The following KIRREL1 variants were observed in gnomAD, a reference collection of about 807,000 sequenced individuals.
The protein encoded by KIRREL1 is kirre like nephrin family adhesion molecule 1.
KIRREL1 carries 25 observed loss-of-function variants against 83.3 expected under a neutral mutation model. That is an observed-to-expected ratio of 0.30 (90% CI 0.22 to 0.42). The LOEUF (loss-of-function observed/expected upper bound fraction) is 0.42, where lower values mean the gene tolerates loss of function less well. Ranked by LOEUF, KIRREL1 falls within the 10% of genes least tolerant of loss-of-function variation. The probability of loss-of-function intolerance (pLI) is 1.00; values close to 1 mark genes in which losing one functional copy is unlikely to be tolerated. For missense variants in KIRREL1, 812 were observed against 1,032.3 expected (o/e 0.79, Z 2.92); for synonymous variants, 388 against 410.4 (o/e 0.95, Z 0.66).
chr1:158,063,924 G>A (rs1661294284), intron 1 of KIRREL1, among the ~76,000 whole-genome samples: 2 of 152,212 alleles, frequency 1.3e-5, no homozygotes, highest in Non-Finnish European at 2.9e-5. Flanking sequence ...ATGATGGCAG[G>A]ACTAGGTCTG....
chr1:158,052,955 T>C (rs1332737339), intron 1 of KIRREL1, among the ~76,000 whole-genome samples: 1 of 152,032 alleles, frequency 6.6e-6, no homozygotes, highest in Non-Finnish European at 1.5e-5. Context: ...AGGTGCCAGC[T>C]CCTTTAAACA....
At chr1:158,022,368 TA>T (rs1359050948) in intron 1 of KIRREL1, among the ~76,000 whole-genome samples, 1 of 152,198 alleles carries the variant, frequency 6.6e-6, no homozygotes. Context: ...GAAAGGACCT[TA>T]GAGGTAATCT....
rs559826603 is a variant in KIRREL1 at position 158,050,657 on chromosome 1, A to T, written c.53-25456A>T. Reference sequence around the variant, plus strand: ...CCTTAACCATGAATGGGAACTGGGGAGGAAAATGGGGAGTGGAGATGGCAC... The same window carrying T: ...CCTTAACCATGAATGGGAACTGGGGTGGAAAATGGGGAGTGGAGATGGCAC... On this transcript the variant is annotated intron_variant, in intron 1 of 14. Transcript: ENST00000359209. 6.6e-5 allele frequency among the ~76,000 whole-genome samples: 10 copies of T among 152,086 alleles called. No individual in the cohort carries two copies. The East Asian group carries it at 2.0e-3, about 30-fold the overall frequency.
At chr1:158,052,510 T>C (rs763766446) in intron 1 of KIRREL1, among the ~76,000 whole-genome samples, 2 of 152,020 alleles carry the variant, frequency 1.3e-5, no homozygotes, top group Non-Finnish European at 2.9e-5. Context: ...CAGGGCGCGG[T>C]GGCTCACGCC....
At chr1:158,037,216 C>G (rs552736026) in intron 1 of KIRREL1, among the ~76,000 whole-genome samples, 2 of 152,146 alleles carry the variant, frequency 1.3e-5, no homozygotes, top group Admixed American at 6.5e-5. Context: ...GTCAATCGGC[C>G]GGGCGCCGTG....
intron 1 of KIRREL1, among the ~76,000 whole-genome samples, chr1:158,023,984 G>A (rs1440933063): frequency 6.6e-6 from 1 of 152,142 alleles, no homozygotes; most frequent in Non-Finnish European, 1.5e-5. Context: ...GTCTCGCTCT[G>A]TCACCCAGGC....
At chr1:158,009,611 A>G (rs6681075) in intron 1 of KIRREL1, among the ~76,000 whole-genome samples, 9,564 of 152,260 alleles carry the variant, frequency 0.063, 642 homozygotes, top group African/African-American at 0.17. Flanking sequence ...AAGGCACACA[A>G]TTTCTACCTT....
At chr1:158,020,992 A>T (rs1430487162) in intron 1 of KIRREL1, among the ~76,000 whole-genome samples, 1 of 152,152 alleles carries the variant, frequency 6.6e-6, no homozygotes, top group African/African-American at 2.4e-5. Context: ...AGTGGCCCAT[A>T]TCTTCTGTAA....
At chr1:158,045,171 G>A (rs1314688675) in intron 1 of KIRREL1, among the ~76,000 whole-genome samples, 1 of 151,786 alleles carries the variant, frequency 6.6e-6, no homozygotes, top group African/African-American at 2.4e-5. Flanking sequence ...GGGAACTGGT[G>A]ATAGAAGTGA....
intron 1 of KIRREL1, among the ~76,000 whole-genome samples, chr1:157,996,219 C>G (rs1447918578): frequency 6.6e-6 from 1 of 152,082 alleles, no homozygotes; most frequent in East Asian, 1.9e-4. Flanking sequence ...CATCAATCTT[C>G]ATTTTTCACT....
chr1:158,092,030 C>G (rs1188241204), intron 11 of KIRREL1, among the ~76,000 whole-genome samples: 1 of 152,168 alleles, frequency 6.6e-6, no homozygotes, highest in African/African-American at 2.4e-5. Flanking sequence ...GGGAATAACA[C>G]GCCCATCTCA....
chr1:158,089,297 C>A (rs1662117790), intron 8 of KIRREL1, among the ~76,000 whole-genome samples: 1 of 152,214 alleles, frequency 6.6e-6, no homozygotes, highest in African/African-American at 2.4e-5. Context: ...CATCCCTGCC[C>A]ACACCTGCAG....
At chr1:158,086,965 C>A (rs1299881718) in intron 5 of KIRREL1, among the ~76,000 whole-genome samples, 1 of 152,094 alleles carries the variant, frequency 6.6e-6, no homozygotes, top group Non-Finnish European at 1.5e-5. Context: ...CAGGTCTAAA[C>A]CAGCCTGTTA....
intron 1 of KIRREL1, among the ~76,000 whole-genome samples, chr1:158,074,804 C>T (rs7539134): frequency 6.6e-6 from 1 of 151,786 alleles, no homozygotes; most frequent in African/African-American, 2.4e-5. Flanking sequence ...CTTGGAGTGG[C>T]GAGGGGTGAG....
chr1:158,081,816 G>A (rs969208823), intron 3 of KIRREL1, among the ~76,000 whole-genome samples: 1 of 152,180 alleles, frequency 6.6e-6, no homozygotes, highest in African/African-American at 2.4e-5. Context: ...CAGATGGGTA[G>A]TCTTTGCATG....
Position 158,094,321 on chromosome 1 carries a change from G to A in KIRREL1, c.1728G>A (p.Lys576=), listed in dbSNP as rs145953444. ...RVMKAIYSSF[K]DDVDLKQDLR... ...CTCCTGCTGCTCCACAGTCGTTTAA[G>A]GATGATGTGGATCTGAAGCAGGACC... Residue 576 remains lysine, a synonymous_variant, in exon 14 of 15, where the codon AAG becomes AAA. Coordinates refer to ENST00000359209, the MANE Select transcript of KIRREL1 (RefSeq NM_018240.7). The surrounding 1 kb of genome is among the most constrained non-coding windows in gnomAD (Gnocchi z 4.6). 8.5e-5 allele frequency: 134 copies of A among 1,581,172 alleles called. No individual in the cohort carries two copies. The African/African-American group carries it at 1.7e-3, about 20-fold the overall frequency.
intron 1 of KIRREL1, among the ~76,000 whole-genome samples, chr1:158,043,654 A>G (rs12140943): frequency 0.048 from 7,247 of 152,196 alleles, 190 homozygotes; most frequent in Non-Finnish European, 0.055. Flanking sequence ...CCCCATTACC[A>G]TGAGTTCTAG....
At chr1:158,072,260 G>T (rs1390711234) in intron 1 of KIRREL1, among the ~76,000 whole-genome samples, 1 of 152,108 alleles carries the variant, frequency 6.6e-6, no homozygotes, top group East Asian at 1.9e-4. Context: ...GGGGTCAGGG[G>T]CATGCTCTGC....
At position 158,097,429 on chromosome 1, in the gene KIRREL1, C is replaced by T. The variant is rs1276498393; in HGVS notation, c.*2309C>T. The T allele has an allele frequency of 1.2e-5, 3 of 255,624 alleles. No homozygotes were observed. The highest frequency in any genetic ancestry group is 5.2e-5 in the Admixed American group (1 of 19,212). The allele number at this position is 255,624 out of a possible 1,614,324, so 15.8% of individuals were successfully genotyped here. ...TCTACTGAAATGATGGAGAGAGGGC[C>T]TAAGGTTACTAGGTAATTGAGCTGA... On this transcript the variant is annotated 3_prime_UTR_variant, in exon 15 of 15. Coordinates refer to ENST00000359209, the MANE Select transcript of KIRREL1 (RefSeq NM_018240.7).
Sources: allele counts gnomAD v4.1 joint callset (sites outside exome capture counted in the v4.1 genomes callset), GRCh38; gene constraint gnomAD v4.1.1; non-coding constraint Gnocchi (gnomAD v3.1); transcripts MANE v1.5; gene names NCBI Gene and HGNC (gene_info 2026-07-23, HGNC 2026-07-21).